EXOC4: variants seen among roughly 807,000 people sequenced by gnomAD.
The protein encoded by EXOC4 is exocyst complex component 4.
Under a neutral mutation model 107.2 loss-of-function variants are expected in EXOC4, and 71 were observed. The observed-to-expected ratio is 0.66, with a 90% CI of 0.55 to 0.81. The LOEUF (loss-of-function observed/expected upper bound fraction) is 0.81, where lower values mean the gene tolerates loss of function less well. EXOC4 is among the 30% of genes least tolerant of loss of function. The probability of loss-of-function intolerance (pLI) is 0.00; values close to 1 mark genes in which losing one functional copy is unlikely to be tolerated. For synonymous variants in EXOC4, 456 were observed against 441.2 expected, an observed-to-expected ratio of 1.03 and a Z score of -0.42; for missense variants, 1,108 against 1,189.6, an observed-to-expected ratio of 0.93 and a Z score of 1.01.
At chr7:133,361,734 A>G (rs926636303) in intron 6 of EXOC4, among the ~76,000 whole-genome samples, 5 of 152,174 alleles carry the variant, frequency 3.3e-5, no homozygotes, top group Admixed American at 3.3e-4. Flanking sequence ...GTAAGGTTAC[A>G]CTTCTTTTCG....
chr7:133,917,062 G>C (rs1204756841), intron 12 of EXOC4, among the ~76,000 whole-genome samples: 2 of 152,126 alleles, frequency 1.3e-5, no homozygotes, highest in Non-Finnish European at 2.9e-5. Context: ...CTGGGGCTGA[G>C]GGTTTCTTAA....
chr7:133,274,171 C>T (rs575473882), intron 1 of EXOC4, among the ~76,000 whole-genome samples: 13 of 152,294 alleles, frequency 8.5e-5, no homozygotes, highest in Non-Finnish European at 1.6e-4. Context: ...CTAGTAAATG[C>T]GGGAACCGTC....
intron 10 of EXOC4, among the ~76,000 whole-genome samples, chr7:133,757,881 T>G (rs1795951790): frequency 6.6e-6 from 1 of 152,216 alleles, no homozygotes; most frequent in Non-Finnish European, 1.5e-5. Context: ...CTTAAAATTT[T>G]TAACACAATT....
intron 9 of EXOC4, among the ~76,000 whole-genome samples, chr7:133,487,688 G>A (rs1033283426): frequency 1.3e-5 from 2 of 152,036 alleles, no homozygotes; most frequent in Admixed American, 6.6e-5. Flanking sequence ...CAGCCTGGGC[G>A]ACAGAGTGAG....
chr7:134,100,683 C>A, the EXOC4 span, among the ~76,000 whole-genome samples: 1 of 130,904 alleles, frequency 7.6e-6, no homozygotes, highest in Admixed American at 8.4e-5. Context: ...CGGTGGCTCA[C>A]GCATGTAATC....
chr7:133,310,459 G>A (rs1057148580), intron 4 of EXOC4, among the ~76,000 whole-genome samples: 2 of 152,132 alleles, frequency 1.3e-5, no homozygotes, highest in Non-Finnish European at 2.9e-5. Context: ...AAAAAAATTC[G>A]TTTCATTATA....
intron 17 of EXOC4, among the ~76,000 whole-genome samples, chr7:134,020,930 G>C (rs956572995): frequency 9.9e-5 from 15 of 151,616 alleles, no homozygotes; most frequent in Admixed American, 8.5e-4. Context: ...AGCTTGCAGT[G>C]AGCCGAGATT....
intron 10 of EXOC4, among the ~76,000 whole-genome samples, chr7:133,783,612 G>A (rs1442035208): frequency 1.3e-5 from 2 of 152,212 alleles, no homozygotes; most frequent in African/African-American, 4.8e-5. Context: ...AAGAAAGTGT[G>A]TATTCGGTGA....
chr7:133,420,912 T>C (rs1008543375), intron 7 of EXOC4, among the ~76,000 whole-genome samples: 3 of 151,202 alleles, frequency 2.0e-5, no homozygotes, highest in Non-Finnish European at 4.4e-5. Flanking sequence ...TTTTCACTTT[T>C]GTAGTGCTGT....
At chr7:133,963,800 C>A (rs1295202191) in intron 14 of EXOC4, among the ~76,000 whole-genome samples, 1 of 152,198 alleles carries the variant, frequency 6.6e-6, no homozygotes, top group East Asian at 1.9e-4. Flanking sequence ...GCATTCATCA[C>A]TGACCATTAG....
chr7:133,469,864 A>G (rs903327649), intron 7 of EXOC4, among the ~76,000 whole-genome samples: 2 of 152,162 alleles, frequency 1.3e-5, no homozygotes, highest in African/African-American at 4.8e-5. Flanking sequence ...TTCTATCTGT[A>G]AAAGGTGGTT....
intron 10 of EXOC4, among the ~76,000 whole-genome samples, chr7:133,630,385 T>A (rs940359002): frequency 2.0e-5 from 3 of 152,150 alleles, no homozygotes; most frequent in Admixed American, 6.5e-5. Context: ...GCTACCTCTG[T>A]CCCTCTCCTG....
At position 133,652,134 on chromosome 7, in the gene EXOC4, T is replaced by C. The variant is rs147712434; in HGVS notation, c.1514+21993T>C. 3.1e-4 allele frequency among the ~76,000 whole-genome samples: 47 copies of C among 152,334 alleles called. 1 individual carries two copies. The highest frequency in any genetic ancestry group is 1.1e-3 in the African/African-American group (47 of 41,570). On this transcript the variant is annotated intron_variant, in intron 10 of 17. Coordinates refer to ENST00000253861, the MANE Select transcript of EXOC4 (RefSeq NM_021807.4). The stretch of plus-strand genomic sequence containing the variant: ...GCCTTTCTCCCCGTGACACTGACAG[T>C]AAATATTTTCCATGTAGATGAAAAC...
At chr7:133,902,904 G>A (rs756373222) in intron 12 of EXOC4, among the ~76,000 whole-genome samples, 3 of 152,150 alleles carry the variant, frequency 2.0e-5, no homozygotes, top group Non-Finnish European at 4.4e-5. Flanking sequence ...TAAGTACTGT[G>A]GAGAAAAGAA....
At chr7:133,853,200 C>T (rs750470376) in intron 11 of EXOC4, among the ~76,000 whole-genome samples, 44 of 152,092 alleles carry the variant, frequency 2.9e-4, no homozygotes, top group Admixed American at 1.4e-3. Context: ...TAACTATGTG[C>T]TTATTCACTA....
chr7:134,041,381 G>A (rs946138088), intron 17 of EXOC4, among the ~76,000 whole-genome samples: 1 of 152,168 alleles, frequency 6.6e-6, no homozygotes, highest in Non-Finnish European at 1.5e-5. Context: ...GCAAATGTGT[G>A]TGGCTTATTT....
intron 13 of EXOC4, among the ~76,000 whole-genome samples, chr7:133,924,855 G>A (rs975626785): frequency 1.3e-5 from 2 of 152,186 alleles, no homozygotes; most frequent in East Asian, 1.9e-4. Context: ...GTTTTTGCAT[G>A]TAGAGATGGC....
At chr7:133,653,722 C>A (rs1319289470) in intron 10 of EXOC4, among the ~76,000 whole-genome samples, 1 of 152,184 alleles carries the variant, frequency 6.6e-6, no homozygotes, top group African/African-American at 2.4e-5. Context: ...ACTTTATGAA[C>A]CTTTTTCTGA....
chr7:133,883,799 G>A (rs1799019174), intron 11 of EXOC4, among the ~76,000 whole-genome samples: 2 of 152,194 alleles, frequency 1.3e-5, no homozygotes, highest in African/African-American at 2.4e-5. Flanking sequence ...GAGCAGAGGT[G>A]GCAGTTCCTC....
Sources: allele counts gnomAD v4.1 joint callset (sites outside exome capture counted in the v4.1 genomes callset), GRCh38; gene constraint gnomAD v4.1.1; transcripts MANE v1.5; gene names NCBI Gene and HGNC (gene_info 2026-07-23, HGNC 2026-07-21).